Variants in AZGP1 observed in about 807,000 individuals in gnomAD.
The protein encoded by AZGP1 is alpha-2-glycoprotein 1, zinc-binding.
A neutral mutation model predicts 31.5 loss-of-function variants in AZGP1; 28 were observed. That is an observed-to-expected ratio of 0.89 (90% CI 0.66 to 1.22). AZGP1 has a LOEUF of 1.22. AZGP1 is among the 50% of genes most tolerant of loss of function. AZGP1 has a pLI of 0.00. For missense variants in AZGP1, 361 were observed against 371.8 expected (o/e 0.97, Z 0.24); for synonymous variants, 135 against 145.4 (o/e 0.93, Z 0.51).
chr7:99,974,561 TG>T (rs1216437576), intron 1 of AZGP1, among the ~76,000 whole-genome samples: 1 of 152,138 alleles, frequency 6.6e-6, no homozygotes, highest in Non-Finnish European at 1.5e-5. Flanking sequence ...CACTCCTGCC[TG>T]GGTGACAGAG....
chr7:99,968,961 T>TAAAAAA (rs1562797511), intron 2 of AZGP1, among the ~76,000 whole-genome samples: 1 of 1,388 alleles, frequency 7.2e-4, no homozygotes, highest in Non-Finnish European at 1.3e-3. Flanking sequence ...AGACCCTATC[T>TAAAAAA]CAAAAAAAAA....
Position 99,968,418 on chromosome 7 carries a change from A to C in AZGP1, c.350T>G (p.Leu117Trp), listed in dbSNP as rs762321558. Residue 117 changes from leucine (L) to tryptophan (W), a missense_variant, in exon 3 of 4, where the codon TTG becomes TGG. Leu to Trp is a moderately conservative substitution (Grantham distance 61). Transcript: ENST00000292401. Reference protein sequence around the residue: ...YYNDSNGSHVLQGRFGCEIEN... With the variant: ...YYNDSNGSHVWQGRFGCEIEN... ...GATCTCACAACCAAACCTTCCCTGC[A>C]ATACGTGAGACCCTGAAAACTCCCC... 1 of 1,613,992 alleles carries C rather than the reference A, an allele frequency of 6.2e-7. No homozygotes were observed. The highest frequency in any genetic ancestry group is 8.5e-7 in the Non-Finnish European group (1 of 1,180,004).
At chr7:99,967,542 C>T in intron 3 of AZGP1, 1 of 549,510 alleles carries the variant, frequency 1.8e-6, no homozygotes, top group Non-Finnish European at 3.3e-6. Context: ...CCATGTTTTC[C>T]CACATCTCAG....
chr7:99,974,428 T>C (rs1470541756), intron 1 of AZGP1, among the ~76,000 whole-genome samples: 1 of 151,226 alleles, frequency 6.6e-6, no homozygotes, highest in Non-Finnish European at 1.5e-5. Flanking sequence ...CTACTAAAAA[T>C]ACAAAAAAAT....
Position 99,967,095 on chromosome 7 carries a change from C to T in AZGP1, c.805G>A (p.Ala269Thr). Residue 269 changes from alanine to threonine, a missense_variant, in exon 4 of 4, where the codon GCA becomes ACA. Physicochemically the swap from Ala to Thr is moderately conservative, Grantham distance 58 (BLOSUM62 0). Transcript: ENST00000292401. ...NGTYQSWVVV[A>T]VPPQDTAPYS... is the part of the protein sequence containing the mutation. ...GGGGCTGTGTCCTGCGGGGGCACTG[C>T]CACCACCACCCAGGACTGGTAAGTG... 6.2e-7 allele frequency: 1 copy of T among 1,614,074 alleles called. No homozygotes were observed. Among genetic ancestry groups the T allele is most frequent in the African/African-American group, 1.3e-5 (1 of 75,018 alleles).
At chr7:99,969,539 C>CACTG (rs1254486075) in intron 2 of AZGP1, among the ~76,000 whole-genome samples, 1 of 151,458 alleles carries the variant, frequency 6.6e-6, no homozygotes, top group Admixed American at 6.6e-5. Context: ...GAGATTGCAT[C>CACTG]ACTGCACTCC....
At chr7:99,974,414 G>A (rs746666656) in intron 1 of AZGP1, among the ~76,000 whole-genome samples, 3 of 150,576 alleles carry the variant, frequency 2.0e-5, no homozygotes, top group Non-Finnish European at 3.0e-5. Context: ...GATGAAACCC[G>A]TCTCTACTAA....
In AZGP1 at chr7:99,968,962, C is replaced by CAAAA. The variant is rs869115613; in HGVS notation, c.338-536_338-533dup. Among the ~76,000 whole-genome samples, 104 of 26,698 alleles carry CAAAA rather than the reference C, an allele frequency of 3.9e-3. 35 individuals carry two copies. Among genetic ancestry groups the CAAAA allele is most frequent in the East Asian group, 0.017 (12 of 716 alleles). The allele number at this position is 26,698 out of a possible 152,430, so 17.5% of individuals were successfully genotyped here. A position where few individuals can be genotyped will look rare whatever the true frequency, so the allele number is the denominator to read the frequency against. On this transcript the variant is annotated intron_variant, in intron 2 of 3. Coordinates refer to ENST00000292401, the MANE Select transcript of AZGP1 (RefSeq NM_001185.4). ...TGGGTGACAGAGTGAGACCCTATCT[C>CAAAA]AAAAAAAAAAAAAAAAAAAAAAAAA... is the stretch of plus-strand genomic sequence containing the variant.
rs776168580 is a variant in AZGP1, at chr7:99,968,161, G to C, written c.607C>G (p.Arg203Gly). ...AGCAGGAAGCAGTGAGTACCTTGCC[G>C]GTCCAGGATATTTTTGCTGTATTTC... ...YLKYSKNILD[R>G]QDPPSVVVTS... is the part of the protein sequence containing the mutation. Residue 203 changes from arginine to glycine, a missense_variant, in exon 3 of 4, where the codon CGG (arginine) becomes GGG (glycine). By Grantham distance (125) the Arg-to-Gly change is moderately radical. Transcript: ENST00000292401. The C allele has an allele frequency of 1.1e-5, 17 of 1,613,716 alleles. No homozygotes were observed. Among genetic ancestry groups the C allele is most frequent in the Non-Finnish European group, 1.4e-5 (17 of 1,179,994 alleles).
chr7:99,970,912 G>T (rs1489550623), intron 2 of AZGP1, among the ~76,000 whole-genome samples: 1 of 152,196 alleles, frequency 6.6e-6, no homozygotes, highest in African/African-American at 2.4e-5. Flanking sequence ...GTGTGGTTTA[G>T]GAGAAAGAGC....
chr7:99,975,898 C>T, intron 1 of AZGP1, 47 bp downstream of exon 1: 3 of 1,603,404 alleles, frequency 1.9e-6, no homozygotes, highest in African/African-American at 2.7e-5. Flanking sequence ...TGTTCCTCAC[C>T]TCCTTCCAGT....
intron 2 of AZGP1, among the ~76,000 whole-genome samples, chr7:99,970,084 G>A (rs958730544): frequency 4.6e-5 from 7 of 151,804 alleles, no homozygotes; most frequent in Non-Finnish European, 7.4e-5. Context: ...CTGAACTGGA[G>A]CCACTCAACT....
In AZGP1 at chr7:99,972,091, A is replaced by G. The variant is rs148016297; in HGVS notation, c.77-85T>C. The G allele has an allele frequency of 3.4e-4, 494 of 1,451,770 alleles. 2 individuals carry two copies. In the African/African-American group the frequency reaches 6.2e-3, roughly 18 times the overall value. The allele number at this position is 1,451,770 out of a possible 1,614,324, so 89.9% of individuals were successfully genotyped here. On this transcript the variant is annotated intron_variant, in intron 1 of 3. Coordinates refer to ENST00000292401, the MANE Select transcript of AZGP1 (RefSeq NM_001185.4). The stretch of plus-strand genomic sequence containing the variant: ...ATAGGGCTAGGAGGGGAGACCTGCC[A>G]CTGGCCTTTTCTTCCCCAGCTCTTT...
chr7:99,969,383 T>C (rs1789544708), intron 2 of AZGP1, among the ~76,000 whole-genome samples: 1 of 143,044 alleles, frequency 7.0e-6, no homozygotes, highest in Admixed American at 7.4e-5. Flanking sequence ...TACATCAGCC[T>C]GAAAGACAGA....
intron 2 of AZGP1, 86 bp downstream of exon 2, chr7:99,971,660 C>A: frequency 6.7e-7 from 1 of 1,481,692 alleles, no homozygotes; most frequent in Non-Finnish European, 9.2e-7. Flanking sequence ...GGGACTATTT[C>A]CATCCTGCTG....
In AZGP1 at chr7:99,971,783, G is replaced by T. The variant is rs373684110; in HGVS notation, c.300C>A (p.Thr100=). 9.3e-6 allele frequency: 15 copies of T among 1,613,826 alleles called. No individual in the cohort carries two copies. Among genetic ancestry groups the T allele is most frequent in the Non-Finnish European group, 1.2e-5 (14 of 1,179,984 alleles). The change falls in exon 2 of 4, where the codon ACC becomes ACA. Residue 100 remains threonine, a synonymous_variant. Transcript: ENST00000292401. ...QKAREDIFME[T]LKDIVEYYND... is the part of the protein sequence containing the mutation. The stretch of plus-strand genomic sequence containing the variant: ...TGTAATACTCCACGATGTCTTTCAG[G>T]GTCTCCATAAAGATGTCCTCCCTGG...
At chr7:99,974,275 T>C (rs1325805537) in intron 1 of AZGP1, among the ~76,000 whole-genome samples, 1 of 150,548 alleles carries the variant, frequency 6.6e-6, no homozygotes, top group East Asian at 2.0e-4. Context: ...AATCATAATT[T>C]AATTGTACAC....
rs1789585362 is a variant in AZGP1 at position 99,971,967 on chromosome 7, T to C, written c.116A>G (p.Lys39Arg). The change falls in exon 2 of 4, where the codon AAG becomes AGG. Residue 39 changes from lysine (K) to arginine (R), a missense_variant. Physicochemically the swap from Lys to Arg is conservative, Grantham distance 26. Coordinates refer to ENST00000292401, the MANE Select transcript of AZGP1 (RefSeq NM_001185.4). ...SLTYIYTGLS[K>R]HVEDVPAFQA... ...AAACGCGGGGACGTCTTCAACATGC[T>C]TGGACAGCCCAGTGTAGATATAGGT... 1.9e-6 allele frequency: 3 copies of C among 1,613,898 alleles called. No individual in the cohort carries two copies. The highest frequency in any genetic ancestry group is 1.7e-5 in the Admixed American group (1 of 59,990).
At chr7:99,975,843 C>A (rs1584302983) in intron 1 of AZGP1, 102 bp downstream of exon 1, 1 of 1,312,608 alleles carries the variant, frequency 7.6e-7, no homozygotes, top group East Asian at 2.3e-5. Context: ...TGCCGTATGC[C>A]AGGGTATCCC....
Sources: gnomAD v4.1 joint callset for allele counts (sites outside exome capture counted in the v4.1 genomes callset) on GRCh38, gnomAD v4.1.1 for gene constraint, MANE v1.5 for transcripts, NCBI Gene and HGNC (gene_info 2026-07-23, HGNC 2026-07-21) for gene names.